The following MARCHF3 variants were observed in gnomAD, a reference collection of about 807,000 sequenced individuals.
MARCHF3 encodes E3 ubiquitin-protein ligase MARCHF3.
A neutral mutation model predicts 24.2 loss-of-function variants in MARCHF3; 13 were observed. That is an observed-to-expected ratio of 0.54 (90% CI 0.35 to 0.85). The LOEUF is 0.85. Among genes scored for constraint, MARCHF3 ranks in the 40% least tolerant of loss-of-function variants. The probability of loss-of-function intolerance (pLI) is 0.01; values close to 1 mark genes in which losing one functional copy is unlikely to be tolerated. For synonymous variants in MARCHF3, 144 were observed against 137.3 expected (o/e 1.05, Z -0.34); for missense variants, 276 against 325.0 (o/e 0.85, Z 1.16).
chr5:126,954,199 ATTTT>A (rs750262766), intron 1 of MARCHF3, among the ~76,000 whole-genome samples: 1 of 114,086 alleles, frequency 8.8e-6, no homozygotes. Flanking sequence ...CGCCCGGCTA[ATTTT>A]TTTTTTTTTT....
At chr5:126,968,279 G>GCACTA (rs1750884863) in intron 1 of MARCHF3, among the ~76,000 whole-genome samples, 2 of 152,186 alleles carry the variant, frequency 1.3e-5, no homozygotes, top group Non-Finnish European at 2.9e-5. Flanking sequence ...AGGTCATATG[G>GCACTA]TGACTATTGT....
At chr5:127,009,610 T>C (rs1212893913) in intron 1 of MARCHF3, among the ~76,000 whole-genome samples, 3 of 152,214 alleles carry the variant, frequency 2.0e-5, no homozygotes, top group South Asian at 4.1e-4. Context: ...CCAACTGGAT[T>C]CCTGTTACAT....
Position 126,870,614 on chromosome 5 carries a change from C to G in MARCHF3, c.*19G>C. The G allele has an allele frequency of 6.2e-7, 1 of 1,611,626 alleles. No homozygotes were observed. Among genetic ancestry groups the G allele is most frequent in the Non-Finnish European group, 8.5e-7 (1 of 1,178,144 alleles). Reference sequence around the variant, plus strand: ...AAACCCCAAACAATGAATCAAACAACCAACCAACCATACAAACATCAAACA... The same window carrying G: ...AAACCCCAAACAATGAATCAAACAAGCAACCAACCATACAAACATCAAACA... On this transcript the variant is annotated 3_prime_UTR_variant, in exon 5 of 5. Transcript: ENST00000308660.
At chr5:127,020,325 G>A (rs1401842691) in intron 1 of MARCHF3, among the ~76,000 whole-genome samples, 1 of 152,180 alleles carries the variant, frequency 6.6e-6, no homozygotes, top group African/African-American at 2.4e-5. Flanking sequence ...CACTGTTTAG[G>A]GACAAGAGGA....
At chr5:126,967,963 G>C (rs575490786) in intron 1 of MARCHF3, among the ~76,000 whole-genome samples, 7 of 152,170 alleles carry the variant, frequency 4.6e-5, no homozygotes, top group Admixed American at 2.0e-4. Context: ...ACACCCATTA[G>C]CAGTCACTCA....
chr5:126,902,094 C>T (rs1011637209), intron 3 of MARCHF3, among the ~76,000 whole-genome samples: 3 of 152,102 alleles, frequency 2.0e-5, no homozygotes, highest in South Asian at 4.1e-4. Flanking sequence ...TGATCTGTCT[C>T]TTCTGTTAAC....
At chr5:126,935,979 G>A (rs953623490) in intron 1 of MARCHF3, among the ~76,000 whole-genome samples, 1 of 152,104 alleles carries the variant, frequency 6.6e-6, no homozygotes, top group Admixed American at 6.5e-5. Flanking sequence ...GTCTTTAAGA[G>A]TCATAAAGTA....
chr5:126,937,034 G>A (rs1749669484), intron 1 of MARCHF3, among the ~76,000 whole-genome samples: 1 of 152,176 alleles, frequency 6.6e-6, no homozygotes. Flanking sequence ...CTCAGCTTTG[G>A]GTCTCTCAAC....
At chr5:126,949,830 G>GA (rs1750156181) in intron 1 of MARCHF3, among the ~76,000 whole-genome samples, 1 of 152,170 alleles carries the variant, frequency 6.6e-6, no homozygotes, top group Non-Finnish European at 1.5e-5. Flanking sequence ...GGAACTCAGG[G>GA]AAAAACATCA....
chr5:126,896,581 T>C (rs1370027295), intron 3 of MARCHF3, among the ~76,000 whole-genome samples: 1 of 152,068 alleles, frequency 6.6e-6, no homozygotes, highest in Non-Finnish European at 1.5e-5. Context: ...AGTTAATAAC[T>C]AGCCCAGTCT....
chr5:126,934,665 T>C (rs978984753), intron 1 of MARCHF3, among the ~76,000 whole-genome samples: 3 of 146,990 alleles, frequency 2.0e-5, no homozygotes, highest in African/African-American at 7.6e-5. Context: ...AAAAAGAAGA[T>C]TGAAAGGAAG....
At chr5:127,020,271 A>C (rs545922985) in intron 1 of MARCHF3, among the ~76,000 whole-genome samples, 1 of 152,356 alleles carries the variant, frequency 6.6e-6, no homozygotes, top group East Asian at 1.9e-4. Context: ...AGTATCACAG[A>C]TCCCAGGCAC....
At chr5:126,989,192 T>C (rs1430566283) in intron 1 of MARCHF3, among the ~76,000 whole-genome samples, 1 of 152,062 alleles carries the variant, frequency 6.6e-6, no homozygotes, top group Non-Finnish European at 1.5e-5. Flanking sequence ...GGTGGGAGGA[T>C]TGCTTGAGCC....
At chr5:126,909,415 CA>C (rs1754428987) in intron 3 of MARCHF3, among the ~76,000 whole-genome samples, 1 of 152,270 alleles carries the variant, frequency 6.6e-6, no homozygotes, top group African/African-American at 2.4e-5. Context: ...GCCCCTCCCC[CA>C]GCCTCGCTGT....
rs1388239377 is a variant in MARCHF3, at chr5:126,869,684, T to G, written c.*949A>C. 6.7e-6 allele frequency: 1 copy of G among 149,132 alleles called. No individual in the cohort carries two copies. Among genetic ancestry groups the G allele is most frequent in the Non-Finnish European group, 1.5e-5 (1 of 67,546 alleles). The allele number at this position is 149,132 out of a possible 1,614,324, so 9.2% of individuals were successfully genotyped here. On this transcript the variant is annotated 3_prime_UTR_variant, in exon 5 of 5. Transcript: ENST00000308660. ...ACATGCAAAACAGGTCTAGGGTTCC[T>G]AGAAATGTCTAATGATCCTCCAATT...
chr5:126,894,463 G>A (rs1392927874), intron 3 of MARCHF3, among the ~76,000 whole-genome samples: 1 of 151,336 alleles, frequency 6.6e-6, no homozygotes, highest in Non-Finnish European at 1.5e-5. Context: ...TCCTTCAGGA[G>A]CTCTTTTAGG....
chr5:126,947,656 T>A lies in MARCHF3; in HGVS notation c.-56-29429A>T, dbSNP rs1295454006. Among the ~76,000 whole-genome samples the A allele has an allele frequency of 2.0e-5, 3 of 152,330 alleles. No individual in the cohort carries two copies. The South Asian group carries it at 6.2e-4, about 32-fold the overall frequency. ...AGGGGCATGGGGAAGAGGGGAAGTC[T>A]GTTTACCTTCCTCTCAATTTTGCTG... is the stretch of plus-strand genomic sequence containing the variant. On this transcript the variant is annotated intron_variant, in intron 1 of 4. Coordinates refer to ENST00000308660, the MANE Select transcript of MARCHF3 (RefSeq NM_178450.5).
intron 3 of MARCHF3, among the ~76,000 whole-genome samples, chr5:126,892,453 G>A (rs372076297): frequency 4.2e-4 from 61 of 145,558 alleles, no homozygotes; most frequent in African/African-American, 1.3e-3. Flanking sequence ...ATTATTTTGA[G>A]ATACGTCCCA....
intron 3 of MARCHF3, among the ~76,000 whole-genome samples, chr5:126,890,831 T>C (rs1052508879): frequency 2.0e-5 from 3 of 148,240 alleles, no homozygotes. Flanking sequence ...TCAAATGGTA[T>C]TTCTAGTTCT....
Sources: allele counts gnomAD v4.1 joint callset (sites outside exome capture counted in the v4.1 genomes callset), GRCh38; gene constraint gnomAD v4.1.1; transcripts MANE v1.5; gene names NCBI Gene and HGNC (gene_info 2026-07-23, HGNC 2026-07-21).